The following MYT1L variants were observed in gnomAD, a reference collection of about 807,000 sequenced individuals.
The protein encoded by MYT1L is myelin transcription factor 1 like.
MYT1L carries 12 observed loss-of-function variants against 126.7 expected under a neutral mutation model. The ratio of observed to expected loss-of-function variants is 0.09; its 90% CI spans 0.06 to 0.15. The LOEUF is 0.15. Among genes scored for constraint, MYT1L ranks in the 10% least tolerant of loss-of-function variants. MYT1L has a pLI of 1.00. For missense variants in MYT1L, 979 were observed against 1,585.2 expected, an observed-to-expected ratio of 0.62 and a Z score of 6.49; for synonymous variants, 541 against 604.2, an observed-to-expected ratio of 0.90 and a Z score of 1.53.
chr2:1,953,420 A>G (rs1186519266), intron 8 of MYT1L, among the ~76,000 whole-genome samples: 1 of 151,874 alleles, frequency 6.6e-6, no homozygotes. Context: ...TCTTGCTGGA[A>G]TTTTCTCTCC....
chr2:1,840,962 G>C (rs1338648045), intron 19 of MYT1L, 119 bp from the exon 20 acceptor site: 2 of 683,124 alleles, frequency 2.9e-6, no homozygotes, highest in East Asian at 5.7e-5. Flanking sequence ...GAAGTGCAGT[G>C]GTGTGATCTC....
chr2:2,054,168 G>C (rs933419069), intron 3 of MYT1L, 45 bp from the exon 4 acceptor site: 1 of 152,678 alleles, frequency 6.5e-6, no homozygotes, highest in Non-Finnish European at 1.5e-5. Flanking sequence ...GATATTCACA[G>C]TAAAAGCAAA....
intron 18 of MYT1L, among the ~76,000 whole-genome samples, chr2:1,868,213 T>C (rs2045845684): frequency 6.6e-6 from 1 of 152,210 alleles, no homozygotes; most frequent in Non-Finnish European, 1.5e-5. Flanking sequence ...TCTGCCCGCC[T>C]TGGCCTCCCA....
At chr2:1,877,437 T>G (rs573047312) in intron 18 of MYT1L, among the ~76,000 whole-genome samples, 1 of 152,204 alleles carries the variant, frequency 6.6e-6, no homozygotes, top group Non-Finnish European at 1.5e-5. Flanking sequence ...TTTTTGAGCT[T>G]ATATTAGGTT....
chr2:2,112,260 T>C (rs1211113130), intron 3 of MYT1L, among the ~76,000 whole-genome samples: 1 of 152,150 alleles, frequency 6.6e-6, no homozygotes, highest in Non-Finnish European at 1.5e-5. Context: ...GTGACCAAAA[T>C]TTCAAATGAA....
intron 21 of MYT1L, among the ~76,000 whole-genome samples, chr2:1,832,062 T>C (rs948838024): frequency 2.6e-5 from 4 of 152,144 alleles, no homozygotes; most frequent in African/African-American, 9.7e-5. Context: ...GTGTGAGTAT[T>C]TGTGTCCCTC....
At chr2:2,016,778 T>A (rs1245539000) in intron 4 of MYT1L, among the ~76,000 whole-genome samples, 1 of 152,236 alleles carries the variant, frequency 6.6e-6, no homozygotes, top group African/African-American at 2.4e-5. Context: ...CTAGATCACG[T>A]GAAGACACGA....
Position 1,840,828 on chromosome 2 carries a change from T to G in MYT1L, c.2790A>C (p.Pro930=). Residue 930 remains proline, a synonymous_variant, in exon 20 of 25, where the codon CCA becomes CCC. Transcript: ENST00000647738. ...TCCTGATACCACTTTTCTTTGCTCT[T>G]GGGCAACCTGAAAGGCTAAATAAGA... ...YASHRSLSGC[P]RAKKSGIRIA... 6.4e-7 allele frequency: 1 copy of G among 1,550,790 alleles called. No homozygotes were observed. The highest frequency in any genetic ancestry group is 1.4e-5 in the African/African-American group (1 of 73,084).
At chr2:1,971,872 G>A (rs1159668692) in intron 8 of MYT1L, among the ~76,000 whole-genome samples, 2 of 152,168 alleles carry the variant, frequency 1.3e-5, no homozygotes, top group Admixed American at 6.5e-5. Context: ...AAGCCTGGAC[G>A]TCACCTGTTT....
chr2:1,907,974 T>C (rs2051323423), intron 13 of MYT1L, among the ~76,000 whole-genome samples: 1 of 152,186 alleles, frequency 6.6e-6, no homozygotes, highest in South Asian at 2.1e-4. Flanking sequence ...ATGGCTGTGG[T>C]TGGTCAGTGT....
intron 15 of MYT1L, among the ~76,000 whole-genome samples, chr2:1,890,217 G>T (rs2048680503): frequency 6.6e-6 from 1 of 151,956 alleles, no homozygotes; most frequent in South Asian, 2.1e-4. Flanking sequence ...CTGCAGGTTT[G>T]CACCACCATG....
chr2:2,113,964 TG>T (rs1249863218), intron 3 of MYT1L, among the ~76,000 whole-genome samples: 4 of 151,804 alleles, frequency 2.6e-5, no homozygotes, highest in Non-Finnish European at 5.9e-5. Context: ...AAAATAGTTA[TG>T]AAAACATTAC....
At chr2:1,823,171 C>G (rs1246710317) in intron 21 of MYT1L, among the ~76,000 whole-genome samples, 2 of 152,194 alleles carry the variant, frequency 1.3e-5, no homozygotes, top group Non-Finnish European at 2.9e-5. Context: ...GACACCTGTC[C>G]TGCTGCACAG....
At chr2:2,220,893 G>A (rs909658299) in intron 2 of MYT1L, among the ~76,000 whole-genome samples, 2 of 152,094 alleles carry the variant, frequency 1.3e-5, no homozygotes, top group South Asian at 4.1e-4. Flanking sequence ...ACCCAGAATT[G>A]TACGTTATTG....
At chr2:2,314,091 C>G (rs2096021578) in intron 1 of MYT1L, among the ~76,000 whole-genome samples, 1 of 152,144 alleles carries the variant, frequency 6.6e-6, no homozygotes, top group African/African-American at 2.4e-5. Context: ...TCAAGTAACT[C>G]TTTAATCATC....
At chr2:2,289,550 T>G (rs1370616059) in intron 1 of MYT1L, among the ~76,000 whole-genome samples, 1 of 152,132 alleles carries the variant, frequency 6.6e-6, no homozygotes, top group Non-Finnish European at 1.5e-5. Context: ...TGAAAAAACA[T>G]AACAACCTGC....
At chr2:2,212,264 G>A (rs2093548332) in intron 2 of MYT1L, among the ~76,000 whole-genome samples, 1 of 129,946 alleles carries the variant, frequency 7.7e-6, no homozygotes, top group African/African-American at 3.0e-5. Context: ...GTCCCACATC[G>A]ATATTCAAAC....
chr2:2,086,859 C>T (rs866062432), intron 3 of MYT1L, among the ~76,000 whole-genome samples: 3 of 152,216 alleles, frequency 2.0e-5, no homozygotes, highest in East Asian at 3.8e-4. Context: ...CCCACACCTG[C>T]GCCACTGCTC....
In MYT1L at chr2:1,932,232, T is replaced by C. The variant is rs574674965; in HGVS notation, c.506-8969A>G. The stretch of plus-strand genomic sequence containing the variant: ...CACGGAGGAAAACGTCTATTTAAGA[T>C]AGGAGGCATTTATGAAATTCCATGA... On this transcript the variant is annotated intron_variant, in intron 9 of 24. Coordinates refer to ENST00000647738, the MANE Select transcript of MYT1L (RefSeq NM_001303052.2). 8.5e-5 allele frequency among the ~76,000 whole-genome samples: 13 copies of C among 152,274 alleles called. No homozygotes were observed. In the East Asian group the frequency reaches 1.5e-3, roughly 18 times the overall value.
Sources: allele counts gnomAD v4.1 joint callset (sites outside exome capture counted in the v4.1 genomes callset), GRCh38; gene constraint gnomAD v4.1.1; transcripts MANE v1.5; gene names NCBI Gene and HGNC (gene_info 2026-07-23, HGNC 2026-07-21).